The following RBFOX3 variants were observed in gnomAD, a reference collection of about 807,000 sequenced individuals.
The protein encoded by RBFOX3 is RNA binding fox-1 homolog 3.
A neutral mutation model predicts 48.7 loss-of-function variants in RBFOX3; 17 were observed. The ratio of observed to expected loss-of-function variants is 0.35; its 90% confidence interval spans 0.24 to 0.52. The LOEUF is 0.52. Among genes scored for constraint, RBFOX3 ranks in the 20% least tolerant of loss-of-function variants. The pLI is 0.94. For missense variants in RBFOX3, 382 were observed against 497.5 expected (o/e 0.77, Z 2.21); for synonymous variants, 212 against 209.5 (o/e 1.01, Z -0.10).
At chr17:79,465,383 GTTAAGTA>G (rs2076172379) in intron 2 of RBFOX3, among the ~76,000 whole-genome samples, 1 of 152,176 alleles carries the variant, frequency 6.6e-6, no homozygotes, top group Non-Finnish European at 1.5e-5. Flanking sequence ...ACGCAATCCT[GTTAAGTA>G]CACACCACGG....
chr17:79,582,955 TG>T (rs1401636489), intron 1 of RBFOX3, among the ~76,000 whole-genome samples: 19 of 152,142 alleles, frequency 1.2e-4, no homozygotes, highest in Non-Finnish European at 2.4e-4. Context: ...CGACCCACAA[TG>T]GGCCTCTGGT....
chr17:79,169,689 G>A (rs113924027), intron 4 of RBFOX3, among the ~76,000 whole-genome samples: 2,979 of 152,302 alleles, frequency 0.02, 92 homozygotes, highest in African/African-American at 0.067. Context: ...GGCCGCACAC[G>A]GGTGGGCTGG....
upstream of RBFOX3, among the ~76,000 whole-genome samples, chr17:79,615,943 A>G (rs1437168822): frequency 6.6e-6 from 1 of 152,196 alleles, no homozygotes; most frequent in African/African-American, 2.4e-5. Context: ...TAAGGGTAGC[A>G]GACCCAAATC....
intron 1 of RBFOX3, among the ~76,000 whole-genome samples, chr17:79,492,097 T>C (rs1460328133): frequency 6.6e-6 from 1 of 152,052 alleles, no homozygotes; most frequent in Middle Eastern, 3.4e-3. Context: ...AAAAAAGAAA[T>C]GGCACAGTAT....
intron 4 of RBFOX3, among the ~76,000 whole-genome samples, chr17:79,196,711 T>G (rs756526291): frequency 6.6e-6 from 1 of 152,224 alleles, no homozygotes; most frequent in Non-Finnish European, 1.5e-5. Context: ...CAGTTAACTC[T>G]CAATTATCTA....
At chr17:79,438,262 C>T (rs574095591) in intron 2 of RBFOX3, among the ~76,000 whole-genome samples, 1 of 152,332 alleles carries the variant, frequency 6.6e-6, no homozygotes, top group South Asian at 2.1e-4. Context: ...CCTGCAGGCC[C>T]AGTAGGGGCA....
intron 2 of RBFOX3, among the ~76,000 whole-genome samples, chr17:79,460,110 G>C (rs76046704): frequency 0.025 from 3,775 of 152,220 alleles, 152 homozygotes; most frequent in African/African-American, 0.086. Context: ...GGAGGGGATG[G>C]GGAGAGGCTG....
intron 3 of RBFOX3, among the ~76,000 whole-genome samples, chr17:79,306,615 CT>C (rs771311145): frequency 5.6e-4 from 86 of 152,354 alleles, no homozygotes; most frequent in Non-Finnish European, 1.1e-3. Context: ...CACTTCCTCC[CT>C]TTCCCTTCCA....
intron 4 of RBFOX3, among the ~76,000 whole-genome samples, chr17:79,184,079 A>C (rs1568303060): frequency 6.6e-6 from 1 of 151,466 alleles, no homozygotes; most frequent in Non-Finnish European, 1.5e-5. Flanking sequence ...GCCTTTCCTA[A>C]GGGAGGCCGG....
chr17:79,302,263 G>A (rs1288381055), intron 3 of RBFOX3, among the ~76,000 whole-genome samples: 2 of 152,092 alleles, frequency 1.3e-5, no homozygotes, highest in East Asian at 3.8e-4. Flanking sequence ...GCATATTATT[G>A]TCCCATTTCA....
At chr17:79,464,197 G>A (rs149220952) in intron 2 of RBFOX3, among the ~76,000 whole-genome samples, 5,274 of 152,332 alleles carry the variant, frequency 0.035, 127 homozygotes, top group South Asian at 0.054. Context: ...CGAAACGGGC[G>A]CACATCAGGA....
intron 1 of RBFOX3, among the ~76,000 whole-genome samples, chr17:79,571,199 A>AG (rs2092665640): frequency 6.6e-6 from 1 of 152,164 alleles, no homozygotes; most frequent in Non-Finnish European, 1.5e-5. Flanking sequence ...AAGGAATCCC[A>AG]GGGTCCCCTA....
intron 4 of RBFOX3, among the ~76,000 whole-genome samples, chr17:79,196,734 G>A (rs780606196): frequency 3.9e-5 from 6 of 152,168 alleles, no homozygotes; most frequent in Non-Finnish European, 7.3e-5. Context: ...CCAATGGAGT[G>A]GAACGTTCCA....
In RBFOX3 at chr17:79,477,918, C is replaced by T. The variant is rs1448690510; in HGVS notation, c.-175+4536G>A. Reference sequence around the variant, plus strand: ...CTGTAGGAAGGAGAGACCCCAGCAACGTCCTTCAGCTGGGCACCGCCTGTT... The same window carrying T: ...CTGTAGGAAGGAGAGACCCCAGCAATGTCCTTCAGCTGGGCACCGCCTGTT... On this transcript the variant is annotated intron_variant, in intron 2 of 14. Coordinates refer to ENST00000693108, the MANE Select transcript of RBFOX3 (RefSeq NM_001350451.2). This position sits in a 1 kb window ranked among gnomAD's most constrained non-coding sequence, Gnocchi z 4.8. Among the ~76,000 whole-genome samples the T allele has an allele frequency of 5.9e-5, 9 of 152,298 alleles. No homozygotes were observed. The highest frequency in any genetic ancestry group is 1.3e-4 in the Admixed American group (2 of 15,298).
chr17:79,451,023 G>A (rs2073386294), intron 2 of RBFOX3, among the ~76,000 whole-genome samples: 1 of 152,162 alleles, frequency 6.6e-6, no homozygotes, highest in Non-Finnish European at 1.5e-5. Context: ...TGACTCCCAA[G>A]CCCAGGCTGG....
chr17:79,428,509 C>T (rs2067808122), intron 2 of RBFOX3, among the ~76,000 whole-genome samples: 1 of 152,248 alleles, frequency 6.6e-6, no homozygotes, highest in African/African-American at 2.4e-5. Flanking sequence ...GGGCTGCTGT[C>T]CCCTGAACAT....
intron 2 of RBFOX3, among the ~76,000 whole-genome samples, chr17:79,415,258 C>T (rs1013479978): frequency 4.6e-5 from 7 of 152,238 alleles, no homozygotes; most frequent in African/African-American, 1.7e-4. Flanking sequence ...TCCAAAGAGC[C>T]AGTCCCTGGC....
intron 2 of RBFOX3, among the ~76,000 whole-genome samples, chr17:79,451,311 C>T (rs7219446): frequency 0.094 from 14,377 of 152,156 alleles, 885 homozygotes; most frequent in Non-Finnish European, 0.13. Context: ...AACCCTGAAC[C>T]CCCGGGACTG....
At position 79,406,639 on chromosome 17, in the gene RBFOX3, C is replaced by T. The variant is rs998668377; in HGVS notation, c.-175+75815G>A. Among the ~76,000 whole-genome samples the T allele has an allele frequency of 6.6e-5, 10 of 152,146 alleles. No homozygotes were observed. In the East Asian group the frequency reaches 1.2e-3, roughly 18 times the overall value. On this transcript the variant is annotated intron_variant, in intron 2 of 14. Transcript: ENST00000693108. The stretch of plus-strand genomic sequence containing the variant: ...TCCTTTCACGCCTGTAAATGTGACG[C>T]GGCGCTGAGTGTCATTATCTCCCCA...
Sources: gnomAD v4.1 joint callset for allele counts (sites outside exome capture counted in the v4.1 genomes callset) on GRCh38, gnomAD v4.1.1 for gene constraint, Gnocchi (gnomAD v3.1) non-coding constraint, MANE v1.5 for transcripts, NCBI Gene and HGNC (gene_info 2026-07-23, HGNC 2026-07-21) for gene names.